The following TEAD1 variants were observed in gnomAD, a reference collection of about 807,000 sequenced individuals.
TEAD1 encodes the protein TEA domain transcription factor 1.
Under a neutral mutation model 54.9 loss-of-function variants are expected in TEAD1, and 9 were observed. The ratio of observed to expected loss-of-function variants is 0.16; its 90% confidence interval spans 0.10 to 0.29. The LOEUF (loss-of-function observed/expected upper bound fraction) is 0.29. Among genes scored for constraint, TEAD1 ranks in the 10% least tolerant of loss-of-function variants. TEAD1 has a pLI of 1.00. For missense variants in TEAD1, 387 were observed against 535.9 expected (o/e 0.72, Z 2.74); for synonymous variants, 200 against 187.8 (o/e 1.07, Z -0.53).
At chr11:12,826,526 A>AC (rs758046365) in intron 3 of TEAD1, among the ~76,000 whole-genome samples, 3 of 152,204 alleles carry the variant, frequency 2.0e-5, no homozygotes, top group Non-Finnish European at 2.9e-5. Flanking sequence ...CATAAGTGAG[A>AC]GTAATATAAC....
rs1189396168 is a variant in TEAD1 at position 12,814,775 on chromosome 11, CTCTGTG to C, written c.203-47473_203-47468del. The stretch of plus-strand genomic sequence containing the variant: ...CCAGCCACCCCTGACCATCGCAGAG[CTCTGTG>C]TGTGTGTGTGTGTGTGTGTGTGTGT... On this transcript the variant is annotated intron_variant, in intron 3 of 12. Coordinates refer to ENST00000527636, the MANE Select transcript of TEAD1 (RefSeq NM_021961.6). Among the ~76,000 whole-genome samples, 1,024 of 142,214 alleles carry C rather than the reference CTCTGTG, an allele frequency of 7.2e-3. 39 individuals carry two copies. The highest frequency in any genetic ancestry group is 0.017 in the Admixed American group (244 of 14,052). 93.3% of individuals were successfully genotyped at this position (142,214 alleles called of 152,430 possible).
At chr11:12,830,494 G>A (rs948283185) in intron 3 of TEAD1, among the ~76,000 whole-genome samples, 1 of 152,028 alleles carries the variant, frequency 6.6e-6, no homozygotes, top group Non-Finnish European at 1.5e-5. Flanking sequence ...TTAGAAGCAG[G>A]CAGGGAGTGG....
intron 3 of TEAD1, among the ~76,000 whole-genome samples, chr11:12,784,048 A>G (rs1327235006): frequency 1.3e-5 from 2 of 152,258 alleles, no homozygotes; most frequent in South Asian, 2.1e-4. Flanking sequence ...TTCTGGTAGG[A>G]GATGAGGAGG....
chr11:12,721,120 A>G (rs950862655), intron 2 of TEAD1, among the ~76,000 whole-genome samples: 5 of 152,226 alleles, frequency 3.3e-5, no homozygotes, highest in African/African-American at 1.2e-4. Flanking sequence ...TGCCTGGTGT[A>G]TTGGACAAAC....
At chr11:12,770,928 T>C (rs1945299383) in intron 3 of TEAD1, among the ~76,000 whole-genome samples, 1 of 152,186 alleles carries the variant, frequency 6.6e-6, no homozygotes, top group Non-Finnish European at 1.5e-5. Flanking sequence ...TTTAAACTTA[T>C]TTTGGATTAT....
intron 2 of TEAD1, among the ~76,000 whole-genome samples, chr11:12,690,114 G>A (rs1322519772): frequency 3.3e-5 from 5 of 151,738 alleles, no homozygotes; most frequent in South Asian, 2.1e-4. Flanking sequence ...GGTGGCGGCC[G>A]CCTGTAGTGC....
At chr11:12,726,618 C>A (rs1944319336) in intron 2 of TEAD1, among the ~76,000 whole-genome samples, 1 of 152,192 alleles carries the variant, frequency 6.6e-6, no homozygotes, top group Admixed American at 6.5e-5. Context: ...TCTATAATTC[C>A]AGCTCTTTGG....
intron 3 of TEAD1, among the ~76,000 whole-genome samples, chr11:12,824,909 G>A (rs1158403441): frequency 6.6e-6 from 1 of 152,134 alleles, no homozygotes; most frequent in Non-Finnish European, 1.5e-5. Flanking sequence ...TCTACTTCGA[G>A]CATTCATTAC....
chr11:12,784,168 G>C (rs1261963949), intron 3 of TEAD1, among the ~76,000 whole-genome samples: 1 of 152,180 alleles, frequency 6.6e-6, no homozygotes. Context: ...TATTAGAGAT[G>C]AGAGGGCTCT....
intron 10 of TEAD1, among the ~76,000 whole-genome samples, chr11:12,906,274 G>T (rs1211138874): frequency 6.6e-6 from 1 of 152,084 alleles, no homozygotes; most frequent in Non-Finnish European, 1.5e-5. Flanking sequence ...TGGCGTGGTG[G>T]CTCACACCTG....
chr11:12,792,328 A>G (rs78959006), intron 3 of TEAD1, among the ~76,000 whole-genome samples: 4,858 of 150,880 alleles, frequency 0.032, 300 homozygotes, highest in African/African-American at 0.11. Flanking sequence ...TAAAAATATC[A>G]AGAAAAGGAA....
chr11:12,736,325 C>T (rs1403855945), intron 2 of TEAD1, among the ~76,000 whole-genome samples: 1 of 152,060 alleles, frequency 6.6e-6, no homozygotes. Flanking sequence ...CATTGCCCTA[C>T]CTAGAACAAA....
intron 11 of TEAD1, among the ~76,000 whole-genome samples, chr11:12,927,479 C>G (rs1948924144): frequency 6.6e-6 from 1 of 152,096 alleles, no homozygotes; most frequent in African/African-American, 2.4e-5. Context: ...TTTGATGAGG[C>G]GAGTCAGGCT....
At chr11:12,866,877 CAT>C (rs1255987025) in intron 5 of TEAD1, among the ~76,000 whole-genome samples, 1 of 152,010 alleles carries the variant, frequency 6.6e-6, no homozygotes, top group Non-Finnish European at 1.5e-5. Context: ...GGGAGCTGGC[CAT>C]GTAAATGGGA....
intron 3 of TEAD1, among the ~76,000 whole-genome samples, chr11:12,768,091 T>C (rs757103424): frequency 5.3e-5 from 8 of 152,162 alleles, no homozygotes; most frequent in Non-Finnish European, 1.2e-4. Flanking sequence ...CATAATCAAA[T>C]AGGGCAGGGA....
chr11:12,778,838 A>T (rs547063113), intron 3 of TEAD1, among the ~76,000 whole-genome samples: 2 of 152,282 alleles, frequency 1.3e-5, no homozygotes, highest in East Asian at 3.9e-4. Context: ...AGAGACCAGG[A>T]TGTTTTCTGT....
chr11:12,734,370 A>G (rs1034937524), intron 2 of TEAD1, among the ~76,000 whole-genome samples: 1 of 152,262 alleles, frequency 6.6e-6, no homozygotes, highest in Non-Finnish European at 1.5e-5. Context: ...GTTAAAAATT[A>G]AAAAATGTGT....
At chr11:12,713,722 C>T (rs1477763186) in intron 2 of TEAD1, among the ~76,000 whole-genome samples, 1 of 152,112 alleles carries the variant, frequency 6.6e-6, no homozygotes, top group Admixed American at 6.5e-5. Flanking sequence ...TACAGTGATG[C>T]TAGGGTTAGT....
intron 3 of TEAD1, among the ~76,000 whole-genome samples, chr11:12,810,249 G>A (rs185890846): frequency 2.3e-4 from 35 of 152,148 alleles, no homozygotes; most frequent in African/African-American, 6.0e-4. Context: ...AAAGTGCTGG[G>A]ATTAAAGGCT....
Sources: gnomAD v4.1 joint callset for allele counts (sites outside exome capture counted in the v4.1 genomes callset) on GRCh38, gnomAD v4.1.1 for gene constraint, MANE v1.5 for transcripts, NCBI Gene and HGNC (gene_info 2026-07-23, HGNC 2026-07-21) for gene names.